The following MAP1B variants were observed in gnomAD, a reference collection of about 807,000 sequenced individuals.
MAP1B encodes the protein microtubule associated protein 1B.
MAP1B carries 12 observed loss-of-function variants against 176.1 expected under a neutral mutation model. The ratio of observed to expected loss-of-function variants is 0.07; its 90% CI spans 0.04 to 0.11. The LOEUF (loss-of-function observed/expected upper bound fraction) is 0.11, where lower values mean the gene tolerates loss of function less well. MAP1B is among the 10% of genes least tolerant of loss of function. MAP1B has a pLI of 1.00. For synonymous variants in MAP1B, 1,044 were observed against 1,135.0 expected (o/e 0.92, Z 1.61); for missense variants, 2,523 against 2,990.5 (o/e 0.84, Z 3.65).
intron 2 of MAP1B, among the ~76,000 whole-genome samples, chr5:72,163,317 C>G (rs767087957): frequency 7.3e-5 from 11 of 151,428 alleles, no homozygotes; most frequent in African/African-American, 9.7e-5. Flanking sequence ...AGTTCTCTGA[C>G]TCTAGATAGC....
At chr5:72,168,013 A>G (rs1317144583) in intron 2 of MAP1B, among the ~76,000 whole-genome samples, 1 of 152,266 alleles carries the variant, frequency 6.6e-6, no homozygotes, top group African/African-American at 2.4e-5. Flanking sequence ...TGACGCACGG[A>G]AAGCACTGCT....
intron 2 of MAP1B, among the ~76,000 whole-genome samples, chr5:72,160,316 G>C (rs905625377): frequency 7.9e-5 from 12 of 152,052 alleles, no homozygotes; most frequent in African/African-American, 2.9e-4. Context: ...CAAGAGCAAT[G>C]GTATTAGGTC....
At position 72,146,418 on chromosome 5, in the gene MAP1B, T is replaced by C. The variant is rs80343319; in HGVS notation, c.286+30619T>C. Among the ~76,000 whole-genome samples the C allele has an allele frequency of 9.1e-3, 1,391 of 152,314 alleles. 26 individuals are homozygous for C. Among genetic ancestry groups the C allele is most frequent in the East Asian group, 0.057 (297 of 5,186 alleles). On this transcript the variant is annotated intron_variant, in intron 2 of 6. Coordinates refer to ENST00000296755, the MANE Select transcript of MAP1B (RefSeq NM_005909.5). ...TGAGTCCGGGTTTGCTCCCCTTTTC[T>C]CTGTGAAGCCAGCCTGCGTTGATCT...
rs965983649 is a variant in MAP1B at position 72,203,509 on chromosome 5, T to C, written c.7013-54T>C. ...TTGAGTGGGGAACATGTGCTGGATG[T>C]ATGGTCTCTTCACCTTGCTATGACC... On this transcript the variant is annotated intron_variant, in intron 5 of 6. Coordinates refer to ENST00000296755, the MANE Select transcript of MAP1B (RefSeq NM_005909.5). 9.0e-5 allele frequency: 113 copies of C among 1,262,076 alleles called. 3 individuals carry two copies. In the South Asian group the frequency reaches 1.3e-3, roughly 15 times the overall value. The allele number at this position is 1,262,076 out of a possible 1,614,324, so 78.2% of individuals were successfully genotyped here. A position where few individuals can be genotyped will look rare whatever the true frequency, so the allele number is the denominator to read the frequency against.
chr5:72,116,432 G>A (rs1480684452), intron 2 of MAP1B: 1 of 417,684 alleles, frequency 2.4e-6, no homozygotes, highest in Non-Finnish European at 4.6e-6. Flanking sequence ...AGATGAAAAA[G>A]AATATCAAAG....
intron 2 of MAP1B, among the ~76,000 whole-genome samples, chr5:72,157,965 A>T (rs981559603): frequency 2.7e-5 from 4 of 148,540 alleles, no homozygotes; most frequent in Non-Finnish European, 5.9e-5. Context: ...TCAGCCTCCC[A>T]AGTAGCTGGG....
intron 2 of MAP1B, among the ~76,000 whole-genome samples, chr5:72,127,811 A>G (rs1361158835): frequency 1.3e-5 from 2 of 152,210 alleles, no homozygotes; most frequent in Non-Finnish European, 2.9e-5. Flanking sequence ...ATTATTTTTC[A>G]AAGTTGTAGA....
At chr5:72,142,626 G>A (rs1311122966) in intron 2 of MAP1B, among the ~76,000 whole-genome samples, 1 of 151,848 alleles carries the variant, frequency 6.6e-6, no homozygotes, top group Non-Finnish European at 1.5e-5. Flanking sequence ...AGGAGATTTG[G>A]GCCTAAGTAA....
chr5:72,198,166 C>A lies in MAP1B; in HGVS notation c.4811C>A (p.Thr1604Lys). ...VVQTPTTFQE[T>K]EMSPSKEECP... ...CAAACACCTACCACATTCCAGGAAA[C>A]AGAAATGTCTCCATCTAAAGAAGAA... is the stretch of plus-strand genomic sequence containing the variant. Residue 1604 changes from threonine (T) to lysine (K), a missense_variant, in exon 5 of 7, where the codon ACA becomes AAA. Coordinates refer to ENST00000296755, the MANE Select transcript of MAP1B (RefSeq NM_005909.5). The A allele has an allele frequency of 6.2e-7, 1 of 1,614,198 alleles. No homozygotes were observed. The highest frequency in any genetic ancestry group is 8.5e-7 in the Non-Finnish European group (1 of 1,180,028).
intron 2 of MAP1B, among the ~76,000 whole-genome samples, chr5:72,140,154 G>A (rs1205088699): frequency 6.6e-6 from 1 of 152,030 alleles, no homozygotes; most frequent in Non-Finnish European, 1.5e-5. Flanking sequence ...GTAGAGACGA[G>A]GTTTTCCCAT....
intron 2 of MAP1B, among the ~76,000 whole-genome samples, chr5:72,179,314 T>C (rs2112205328): frequency 6.6e-6 from 1 of 152,304 alleles, no homozygotes; most frequent in Non-Finnish European, 1.5e-5. Context: ...TGGGGCTGCC[T>C]AAGGGTTTCC....
At chr5:72,129,440 C>T (rs1337978874) in intron 2 of MAP1B, among the ~76,000 whole-genome samples, 1 of 152,068 alleles carries the variant, frequency 6.6e-6, no homozygotes, top group Non-Finnish European at 1.5e-5. Context: ...ACCTGTAGTC[C>T]CAGCTACTCG....
At chr5:72,170,928 C>A (rs1373492137) in intron 2 of MAP1B, among the ~76,000 whole-genome samples, 2 of 151,932 alleles carry the variant, frequency 1.3e-5, no homozygotes, top group African/African-American at 4.8e-5. Flanking sequence ...GCCTGGGCAA[C>A]AAGAGCAAAA....
At chr5:72,127,497 C>G (rs1342162824) in intron 2 of MAP1B, among the ~76,000 whole-genome samples, 1 of 152,086 alleles carries the variant, frequency 6.6e-6, no homozygotes, top group Admixed American at 6.5e-5. Context: ...TGTTAATTCA[C>G]TCATTAAAAC....
intron 2 of MAP1B, among the ~76,000 whole-genome samples, chr5:72,131,207 A>G (rs1324192397): frequency 6.6e-6 from 1 of 152,236 alleles, no homozygotes; most frequent in African/African-American, 2.4e-5. Context: ...AATATGTAAA[A>G]GGAGAAACTG....
intron 2 of MAP1B, among the ~76,000 whole-genome samples, chr5:72,123,472 G>GT (rs35684135): frequency 0.43 from 64,152 of 147,878 alleles, 13,997 homozygotes; most frequent in African/African-American, 0.49. Context: ...CAGCTAATTT[G>GT]TTTTTTTTGT....
rs1250465825 is a variant in MAP1B at position 72,208,841 on chromosome 5, C to T, written c.*3602C>T. On this transcript the variant is annotated 3_prime_UTR_variant, in exon 7 of 7. Coordinates refer to ENST00000296755, the MANE Select transcript of MAP1B (RefSeq NM_005909.5). ...GCTTTTCTTGCCTCTCTTTAGTCAC[C>T]TGTCACAGGAGGTTCCTGCTCAGTA... 2.6e-5 allele frequency: 4 copies of T among 152,138 alleles called. No individual in the cohort carries two copies. Among genetic ancestry groups the T allele is most frequent in the Admixed American group, 2.0e-4 (3 of 15,272 alleles). 9.4% of individuals were successfully genotyped at this position (152,138 alleles called of 1,614,324 possible). A position where few individuals can be genotyped will look rare whatever the true frequency, so the allele number is the denominator to read the frequency against.
intron 2 of MAP1B, among the ~76,000 whole-genome samples, chr5:72,137,073 T>C (rs1745852552): frequency 6.6e-6 from 1 of 152,210 alleles, no homozygotes; most frequent in Admixed American, 6.5e-5. Flanking sequence ...TGCATTTTTG[T>C]TTATGTCAGA....
chr5:72,136,340 G>A (rs1421812561), intron 2 of MAP1B, among the ~76,000 whole-genome samples: 1 of 152,152 alleles, frequency 6.6e-6, no homozygotes, highest in Non-Finnish European at 1.5e-5. Context: ...TTACAAACAG[G>A]AAATCAGCAA....
Sources: gnomAD v4.1 joint callset for allele counts (sites outside exome capture counted in the v4.1 genomes callset) on GRCh38, gnomAD v4.1.1 for gene constraint, MANE v1.5 for transcripts, NCBI Gene and HGNC (gene_info 2026-07-23, HGNC 2026-07-21) for gene names.